Variants in PAXIP1 observed in about 807,000 individuals in gnomAD.
PAXIP1 encodes PAX-interacting protein 1.
Under a neutral mutation model 140.6 loss-of-function variants are expected in PAXIP1, and 19 were observed. The observed-to-expected ratio is 0.14, with a 90% CI of 0.09 to 0.20. The LOEUF (loss-of-function observed/expected upper bound fraction) is 0.20. PAXIP1 is among the 10% of genes least tolerant of loss of function. The pLI, the probability that PAXIP1 is intolerant of heterozygous loss-of-function variation, is 1.00. For synonymous variants in PAXIP1, 442 were observed against 444.6 expected, an observed-to-expected ratio of 0.99 and a Z score of 0.07; for missense variants, 920 against 1,208.6, an observed-to-expected ratio of 0.76 and a Z score of 3.54.
At chr7:154,958,031 T>C (rs1446031830) in intron 13 of PAXIP1, among the ~76,000 whole-genome samples, 5 of 147,626 alleles carry the variant, frequency 3.4e-5, no homozygotes, top group Non-Finnish European at 4.5e-5. Context: ...ACCTCCACCC[T>C]AAAAGACTAT....
Position 154,946,945 on chromosome 7 carries a change from C to CCTG in PAXIP1, c.2923-133_2923-132insCAG. On this transcript the variant is annotated intron_variant, in intron 17 of 20. Transcript: ENST00000404141. This position sits in a 1 kb window ranked among gnomAD's most constrained non-coding sequence, Gnocchi z 4.9. ...TTTATGACATTATGAAGGTACTATT[C>CCTG]TCCTACTAGCACTCAATCTGAAGTG... 1.6e-6 allele frequency: 1 copy of CCTG among 624,160 alleles called. No homozygotes were observed. Among genetic ancestry groups the CCTG allele is most frequent in the South Asian group, 2.2e-5 (1 of 46,354 alleles). 38.7% of individuals were successfully genotyped at this position (624,160 alleles called of 1,614,324 possible).
At position 154,968,556 on chromosome 7, in the gene PAXIP1, T is replaced by TCTGCTG. The variant is rs141168451; in HGVS notation, c.1639_1644dup (p.Gln547_Gln548dup). 1.5e-5 allele frequency: 11 copies of TCTGCTG among 726,692 alleles called. No individual in the cohort carries two copies. Among genetic ancestry groups the TCTGCTG allele is most frequent in the South Asian group, 3.0e-5 (2 of 67,538 alleles). The allele number at this position is 726,692 out of a possible 1,614,324, so 45.0% of individuals were successfully genotyped here. A position where few individuals can be genotyped will look rare whatever the true frequency, so the allele number is the denominator to read the frequency against. ...AAGTGTGGCGCTGTCTGACTTTGCA[T>TCTGCTG]CTGCTGCTGCTGCTGCTGCTGGTGC... On this transcript the variant is annotated inframe_insertion, in exon 7 of 21. Transcript: ENST00000404141.
chr7:154,947,759 G>A lies in PAXIP1; in HGVS notation c.2922+144C>T. 4.4e-6 allele frequency: 3 copies of A among 682,370 alleles called. No homozygotes were observed. In the South Asian group the frequency reaches 5.1e-5, roughly 12 times the overall value. 42.3% of individuals were successfully genotyped at this position (682,370 alleles called of 1,614,324 possible). ...GAAGACCTCCAGTGGCAATGTCCAA[G>A]AAGGAAGCCAAGAGGTAAATGGGAT... On this transcript the variant is annotated intron_variant, in intron 17 of 20. Coordinates refer to ENST00000404141, the MANE Select transcript of PAXIP1 (RefSeq NM_007349.4).
At chr7:154,958,061 C>T (rs189743465) in intron 13 of PAXIP1, among the ~76,000 whole-genome samples, 28 of 151,754 alleles carry the variant, frequency 1.8e-4, no homozygotes, top group Non-Finnish European at 3.4e-4. Flanking sequence ...AGAAATTTCA[C>T]CTATGAGATT....
chr7:154,990,680 T>A (rs1479535275), intron 4 of PAXIP1, among the ~76,000 whole-genome samples: 2 of 152,218 alleles, frequency 1.3e-5, no homozygotes, highest in Non-Finnish European at 2.9e-5. Context: ...ATCTGTATGA[T>A]CCCTTTATTT....
At chr7:154,979,903 G>A (rs1435124899) in intron 5 of PAXIP1, among the ~76,000 whole-genome samples, 4 of 152,152 alleles carry the variant, frequency 2.6e-5, no homozygotes, top group African/African-American at 9.6e-5. Flanking sequence ...AGACAGACAT[G>A]AGCATGAAGT....
chr7:154,977,078 GCA>G (rs771227087), intron 5 of PAXIP1, among the ~76,000 whole-genome samples: 4 of 152,160 alleles, frequency 2.6e-5, no homozygotes, highest in Non-Finnish European at 5.9e-5. Flanking sequence ...ATGACAATTT[GCA>G]CAGTTAGAAT....
chr7:154,969,617 G>A (rs11761229), intron 6 of PAXIP1, among the ~76,000 whole-genome samples: 33,885 of 152,112 alleles, frequency 0.22, 4,509 homozygotes, highest in Admixed American at 0.32. Flanking sequence ...AAACCTTCTC[G>A]CCACAGCTGC....
intron 5 of PAXIP1, among the ~76,000 whole-genome samples, chr7:154,979,113 A>T (rs753211445): frequency 9.2e-5 from 14 of 152,238 alleles, no homozygotes; most frequent in African/African-American, 3.4e-4. Context: ...CAATGTTTAG[A>T]TGCCTTTGCC....
intron 4 of PAXIP1, among the ~76,000 whole-genome samples, chr7:154,990,127 C>T (rs931040761): frequency 2.7e-5 from 4 of 149,308 alleles, no homozygotes; most frequent in Admixed American, 6.8e-5. Flanking sequence ...CCACAACCTC[C>T]GCCTCCCAGG....
At chr7:154,992,670 CT>C (rs1269533954) in intron 3 of PAXIP1, among the ~76,000 whole-genome samples, 1 of 151,952 alleles carries the variant, frequency 6.6e-6, no homozygotes, top group Non-Finnish European at 1.5e-5. Context: ...CAAAATCAGC[CT>C]CTTAGCTCTA....
At chr7:154,995,715 T>C (rs1180579147) in intron 2 of PAXIP1, among the ~76,000 whole-genome samples, 2 of 152,134 alleles carry the variant, frequency 1.3e-5, no homozygotes, top group Non-Finnish European at 2.9e-5. Context: ...CCGGGCGTGG[T>C]GGCACACGCC....
intron 5 of PAXIP1, among the ~76,000 whole-genome samples, chr7:154,981,733 A>G (rs1206994090): frequency 6.6e-6 from 1 of 152,218 alleles, no homozygotes. Flanking sequence ...ATAAAGCTCA[A>G]TTAAAGTATT....
chr7:154,966,579 TTTG>T (rs1809032749), intron 8 of PAXIP1, among the ~76,000 whole-genome samples: 1 of 152,224 alleles, frequency 6.6e-6, no homozygotes, highest in African/African-American at 2.4e-5. Flanking sequence ...ATCTTTGAGT[TTTG>T]TTGTACTTCT....
chr7:154,979,917 A>G (rs192109716), intron 5 of PAXIP1, among the ~76,000 whole-genome samples: 11 of 152,316 alleles, frequency 7.2e-5, no homozygotes, highest in African/African-American at 2.4e-4. Flanking sequence ...ATGAAGTCCA[A>G]CTGTCAATTT....
At chr7:154,957,022 A>T in intron 14 of PAXIP1, 1 of 410,442 alleles carries the variant, frequency 2.4e-6, no homozygotes, top group Non-Finnish European at 4.3e-6. Context: ...AAAGAAAAAG[A>T]CTGAATTTTT....
At chr7:155,002,440 GC>G (rs1180832568) in intron 1 of PAXIP1, among the ~76,000 whole-genome samples, 1 of 152,046 alleles carries the variant, frequency 6.6e-6, no homozygotes, top group East Asian at 1.9e-4. Flanking sequence ...GGATCCCGGC[GC>G]CCCTCGTCCG....
intron 8 of PAXIP1, chr7:154,964,816 TAA>T (rs1808931296): frequency 6.6e-6 from 1 of 152,242 alleles, no homozygotes; most frequent in East Asian, 1.9e-4. Context: ...TATGGCAGCC[TAA>T]GATTAGAGTT....
rs558290856 is a variant in PAXIP1, at chr7:154,963,839, C to T, written c.1894-73G>A. 2.0e-6 allele frequency: 2 copies of T among 990,644 alleles called. No homozygotes were observed. Among genetic ancestry groups the T allele is most frequent in the Admixed American group, 2.0e-5 (1 of 50,818 alleles). 61.4% of individuals were successfully genotyped at this position (990,644 alleles called of 1,614,324 possible). ...AGGAGAATTCCAATTTCAAATAAGG[C>T]AGCTATTAAAAGACTCTATCATATA... On this transcript the variant is annotated intron_variant, in intron 8 of 20. Transcript: ENST00000404141. This position sits in a 1 kb window ranked among gnomAD's most constrained non-coding sequence, Gnocchi z 4.1.
Sources: allele counts gnomAD v4.1 joint callset (sites outside exome capture counted in the v4.1 genomes callset), GRCh38; gene constraint gnomAD v4.1.1; non-coding constraint Gnocchi (gnomAD v3.1); transcripts MANE v1.5; gene names NCBI Gene and HGNC (gene_info 2026-07-23, HGNC 2026-07-21).